The following CACNG2 variants were observed in gnomAD, a reference collection of about 807,000 sequenced individuals.
CACNG2 encodes the protein voltage-dependent calcium channel gamma-2 subunit.
A neutral mutation model predicts 25.9 loss-of-function variants in CACNG2; 3 were observed. The observed-to-expected ratio is 0.12, with a 90% CI of 0.05 to 0.30. The LOEUF (loss-of-function observed/expected upper bound fraction) is 0.30. Among genes scored for constraint, CACNG2 ranks in the 10% least tolerant of loss-of-function variants. The probability of loss-of-function intolerance (pLI) is 1.00; values close to 1 mark genes in which losing one functional copy is unlikely to be tolerated. For synonymous variants in CACNG2, 167 were observed against 173.3 expected (o/e 0.96, Z 0.29); for missense variants, 341 against 432.5 (o/e 0.79, Z 1.88).
chr22:36,628,988 T>TA (rs3216432), intron 1 of CACNG2, among the ~76,000 whole-genome samples: 3 of 151,002 alleles, frequency 2.0e-5, no homozygotes, highest in South Asian at 2.1e-4. Flanking sequence ...TTGGCATAAA[T>TA]AAAAAAAAAC....
chr22:36,691,862 C>T (rs376798169), intron 1 of CACNG2, among the ~76,000 whole-genome samples: 3 of 152,218 alleles, frequency 2.0e-5, no homozygotes, highest in Non-Finnish European at 2.9e-5. Flanking sequence ...ATGGCAGAAC[C>T]GTTGTTTTTC....
intron 1 of CACNG2, among the ~76,000 whole-genome samples, chr22:36,692,325 A>G (rs1173880149): frequency 1.3e-5 from 2 of 152,198 alleles, no homozygotes; most frequent in African/African-American, 4.8e-5. Flanking sequence ...GTGAATGAAT[A>G]TAGTGTCAGT....
At chr22:36,598,721 G>A (rs568521091) in intron 1 of CACNG2, among the ~76,000 whole-genome samples, 23 of 148,402 alleles carry the variant, frequency 1.5e-4, no homozygotes, top group Non-Finnish European at 2.7e-4. Context: ...GCTCACGCCT[G>A]TAATCCCAGC....
chr22:36,642,322 T>TAA (rs1182195143), intron 1 of CACNG2, among the ~76,000 whole-genome samples: 6 of 152,226 alleles, frequency 3.9e-5, no homozygotes, highest in African/African-American at 1.4e-4. Flanking sequence ...GCTGCTGTGC[T>TAA]CTGGTTGGGG....
intron 1 of CACNG2, among the ~76,000 whole-genome samples, chr22:36,616,925 G>C (rs1936030140): frequency 6.6e-6 from 1 of 152,210 alleles, no homozygotes; most frequent in African/African-American, 2.4e-5. Flanking sequence ...AGTGGTGAAT[G>C]AATCAGAGAC....
intron 1 of CACNG2, among the ~76,000 whole-genome samples, chr22:36,684,615 C>CAAAAAAAAA (rs10647451): frequency 9.9e-6 from 1 of 101,324 alleles, no homozygotes; most frequent in African/African-American, 3.6e-5. Context: ...GACCTTGTCT[C>CAAAAAAAAA]AAAAAAAAAA....
chr22:36,644,049 G>A (rs548719009), intron 1 of CACNG2, among the ~76,000 whole-genome samples: 1 of 152,274 alleles, frequency 6.6e-6, no homozygotes, highest in East Asian at 1.9e-4. Context: ...GTCCCTCGGT[G>A]AAAGCTTAAT....
At chr22:36,568,621 T>C (rs1191603038) in intron 2 of CACNG2, among the ~76,000 whole-genome samples, 2 of 152,006 alleles carry the variant, frequency 1.3e-5, no homozygotes, top group African/African-American at 4.8e-5. Context: ...GCCAGGCTGG[T>C]CTTGAACTCC....
chr22:36,607,493 C>T (rs1414764934), intron 1 of CACNG2, among the ~76,000 whole-genome samples: 1 of 152,226 alleles, frequency 6.6e-6, no homozygotes, highest in Non-Finnish European at 1.5e-5. Context: ...TCTTTCACCT[C>T]TCAGCCTCCC....
At chr22:36,679,136 C>CCGTTCCTTCCTTCCTT (rs1937053450) in intron 1 of CACNG2, among the ~76,000 whole-genome samples, 2 of 128,364 alleles carry the variant, frequency 1.6e-5, no homozygotes, top group African/African-American at 6.1e-5. Context: ...TGGATTTTCT[C>CCGTTCCTTCCTTCCTT]CCTTCCTTCC....
intron 1 of CACNG2, among the ~76,000 whole-genome samples, chr22:36,632,870 G>A (rs1424422979): frequency 6.6e-6 from 1 of 151,864 alleles, no homozygotes; most frequent in Non-Finnish European, 1.5e-5. Flanking sequence ...CTCAGCCCAA[G>A]TGAAGCCCAG....
intron 1 of CACNG2, among the ~76,000 whole-genome samples, chr22:36,596,428 G>A (rs907746789): frequency 7.9e-5 from 12 of 152,160 alleles, no homozygotes; most frequent in Admixed American, 3.3e-4. Flanking sequence ...GAGTTTGATC[G>A]TTCTCTCGTT....
intron 1 of CACNG2, among the ~76,000 whole-genome samples, chr22:36,640,117 TTCATATCCCAGC>T (rs1936420568): frequency 6.6e-6 from 1 of 152,082 alleles, no homozygotes; most frequent in Non-Finnish European, 1.5e-5. Context: ...ACTTCCAGGG[TTCATATCCCAGC>T]CCTATCATCC....
intron 1 of CACNG2, among the ~76,000 whole-genome samples, chr22:36,689,070 T>G (rs1378268635): frequency 6.6e-6 from 1 of 152,134 alleles, no homozygotes; most frequent in African/African-American, 2.4e-5. Flanking sequence ...CAGAGGGCCT[T>G]TAGGACCTCT....
chr22:36,656,602 G>C (rs943992065), intron 1 of CACNG2, among the ~76,000 whole-genome samples: 1 of 151,636 alleles, frequency 6.6e-6, no homozygotes, highest in Admixed American at 6.6e-5. Context: ...ACTTTCCTCC[G>C]CTCAAAGTCC....
At position 36,562,331 on chromosome 22, in the gene CACNG2, A is replaced by G. The variant is rs1009493028; in HGVS notation, c.*2020T>C. ...TAAGTCACAGATACATAGAGCAAGA[A>G]TGGGCCTTTAGTGCTTCTCTGGGTC... On this transcript the variant is annotated 3_prime_UTR_variant, in exon 4 of 4. Coordinates refer to ENST00000300105, the MANE Select transcript of CACNG2 (RefSeq NM_006078.5). 1 of 152,098 alleles carries G rather than the reference A, an allele frequency of 6.6e-6. No individual in the cohort carries two copies. The highest frequency in any genetic ancestry group is 1.5e-5 in the Non-Finnish European group (1 of 68,070). 9.4% of individuals were successfully genotyped at this position (152,098 alleles called of 1,614,324 possible).
At chr22:36,692,338 G>A (rs1937276792) in intron 1 of CACNG2, among the ~76,000 whole-genome samples, 1 of 152,208 alleles carries the variant, frequency 6.6e-6, no homozygotes, top group East Asian at 1.9e-4. Flanking sequence ...GTGTCAGTAA[G>A]GAAGTGGGAC....
chr22:36,643,669 C>G (rs1475797752), intron 1 of CACNG2, among the ~76,000 whole-genome samples: 1 of 152,144 alleles, frequency 6.6e-6, no homozygotes, highest in Non-Finnish European at 1.5e-5. Context: ...CACAGTGTTG[C>G]TAATGCTACT....
chr22:36,618,424 T>C (rs1313091287), intron 1 of CACNG2, among the ~76,000 whole-genome samples: 1 of 152,220 alleles, frequency 6.6e-6, no homozygotes, highest in Non-Finnish European at 1.5e-5. Flanking sequence ...GTGGCAGCTG[T>C]ATGGCCTAAG....
Sources: gnomAD v4.1 joint callset for allele counts (sites outside exome capture counted in the v4.1 genomes callset) on GRCh38, gnomAD v4.1.1 for gene constraint, MANE v1.5 for transcripts, NCBI Gene and HGNC (gene_info 2026-07-23, HGNC 2026-07-21) for gene names.